Variants in LRP1B observed in about 807,000 individuals in gnomAD.
LRP1B encodes low-density lipoprotein receptor-related protein 1B.
Under a neutral mutation model 556.6 loss-of-function variants are expected in LRP1B, and 217 were observed. The ratio of observed to expected loss-of-function variants is 0.39; its 90% CI spans 0.35 to 0.44. LRP1B has a LOEUF of 0.44. LRP1B is among the 20% of genes least tolerant of loss of function. The pLI, the probability that LRP1B is intolerant of heterozygous loss-of-function variation, is 1.00. For missense variants in LRP1B, 5,053 were observed against 5,620.8 expected (o/e 0.90, Z 3.23); for synonymous variants, 2,047 against 1,865.8 (o/e 1.10, Z -2.50).
chr2:141,709,610 T>C (rs1016798854), intron 2 of LRP1B, among the ~76,000 whole-genome samples: 1 of 152,112 alleles, frequency 6.6e-6, no homozygotes, highest in Non-Finnish European at 1.5e-5. Flanking sequence ...TTAAGACGTA[T>C]GAGTAAGTTA....
chr2:141,035,977 C>G (rs1033832252), intron 11 of LRP1B, among the ~76,000 whole-genome samples: 1 of 152,112 alleles, frequency 6.6e-6, no homozygotes, highest in Non-Finnish European at 1.5e-5. Context: ...CCTATTTGCA[C>G]TCATGAACTA....
intron 7 of LRP1B, among the ~76,000 whole-genome samples, chr2:141,107,699 C>T (rs540365610): frequency 6.6e-6 from 1 of 151,936 alleles, no homozygotes; most frequent in Non-Finnish European, 1.5e-5. Context: ...TTAAAGAGCA[C>T]TAAAGCTGCA....
intron 63 of LRP1B, among the ~76,000 whole-genome samples, chr2:140,446,006 A>T (rs1686643870): frequency 6.6e-6 from 1 of 151,946 alleles, no homozygotes; most frequent in South Asian, 2.1e-4. Flanking sequence ...ATAAAAATTT[A>T]AACATTCTTT....
chr2:140,413,183 C>T (rs116922426), intron 66 of LRP1B, among the ~76,000 whole-genome samples: 1 of 152,228 alleles, frequency 6.6e-6, no homozygotes, highest in East Asian at 1.9e-4. Context: ...CACAAACACA[C>T]ATACACAATT....
At chr2:141,949,437 C>G (rs1398194626) in intron 1 of LRP1B, among the ~76,000 whole-genome samples, 1 of 152,206 alleles carries the variant, frequency 6.6e-6, no homozygotes, top group Non-Finnish European at 1.5e-5. Context: ...TGTCTCCAGG[C>G]TGGAGTGCAG....
intron 1 of LRP1B, among the ~76,000 whole-genome samples, chr2:142,033,454 A>G (rs1297432336): frequency 6.6e-6 from 1 of 151,676 alleles, no homozygotes; most frequent in African/African-American, 2.4e-5. Flanking sequence ...TTAGTAAAAT[A>G]CATCGTTTGC....
intron 7 of LRP1B, among the ~76,000 whole-genome samples, chr2:141,139,081 G>A (rs1701564224): frequency 6.6e-6 from 1 of 151,782 alleles, no homozygotes; most frequent in African/African-American, 2.4e-5. Flanking sequence ...AAGATATGAA[G>A]GCACTATAGT....
chr2:141,414,077 A>G (rs549786745), intron 3 of LRP1B, among the ~76,000 whole-genome samples: 2 of 152,042 alleles, frequency 1.3e-5, no homozygotes, highest in East Asian at 3.9e-4. Flanking sequence ...CTCTACTAAA[A>G]ATACAAAAAA....
intron 3 of LRP1B, among the ~76,000 whole-genome samples, chr2:141,351,330 T>C (rs1052036452): frequency 6.6e-6 from 1 of 152,078 alleles, no homozygotes; most frequent in African/African-American, 2.4e-5. Context: ...TGTATTATTG[T>C]ATGAAACTAC....
Position 141,364,308 on chromosome 2 carries a change from CAGTT to C in LRP1B, c.344-109671_344-109668del, listed in dbSNP as rs1468461434. ...ACACACACACACGCAAACACACACACAGTTGAATGATTAAATCACATACACAGTG... is the reference window on the plus strand; with the variant it reads ...ACACACACACACGCAAACACACACACGAATGATTAAATCACATACACAGTG... On this transcript the variant is annotated intron_variant, in intron 3 of 90. Coordinates refer to ENST00000389484, the MANE Select transcript of LRP1B (RefSeq NM_018557.3). 4.4e-3 allele frequency among the ~76,000 whole-genome samples: 664 copies of C among 151,142 alleles called. 7 individuals are homozygous for C. The highest frequency in any genetic ancestry group is 0.016 in the African/African-American group (643 of 41,060).
At chr2:141,656,682 G>A (rs1181953888) in intron 2 of LRP1B, among the ~76,000 whole-genome samples, 1 of 152,064 alleles carries the variant, frequency 6.6e-6, no homozygotes, top group Non-Finnish European at 1.5e-5. Context: ...TTTCAAAATT[G>A]TTCATATTGC....
intron 88 of LRP1B, 75 bp from the exon 89 acceptor site, chr2:140,238,371 A>G (rs1458035956): frequency 8.4e-6 from 6 of 714,038 alleles, no homozygotes; most frequent in African/African-American, 1.8e-5. Flanking sequence ...TTATATTTAT[A>G]GATTTACTGA....
chr2:141,022,351 T>C (rs1398704519), intron 11 of LRP1B, among the ~76,000 whole-genome samples: 2 of 151,902 alleles, frequency 1.3e-5, no homozygotes, highest in African/African-American at 2.4e-5. Context: ...AGAAAATGTA[T>C]AAAAAGATCT....
At chr2:140,730,929 C>T (rs538971866) in intron 35 of LRP1B, among the ~76,000 whole-genome samples, 2 of 152,234 alleles carry the variant, frequency 1.3e-5, no homozygotes, top group African/African-American at 4.8e-5. Context: ...AGACCATAAG[C>T]GCTTTTCTGG....
chr2:141,920,424 C>T (rs913035752), intron 1 of LRP1B, among the ~76,000 whole-genome samples: 2 of 151,958 alleles, frequency 1.3e-5, no homozygotes, highest in East Asian at 3.9e-4. Context: ...CCAAACTTTG[C>T]AGTGGCAATT....
At chr2:142,022,829 C>G (rs1329446894) in intron 1 of LRP1B, among the ~76,000 whole-genome samples, 1 of 152,102 alleles carries the variant, frequency 6.6e-6, no homozygotes, top group Non-Finnish European at 1.5e-5. Context: ...TGCCATCACG[C>G]CCGGCTAATT....
At chr2:141,817,517 T>C (rs1696601112) in intron 1 of LRP1B, among the ~76,000 whole-genome samples, 1 of 152,064 alleles carries the variant, frequency 6.6e-6, no homozygotes, top group Non-Finnish European at 1.5e-5. Flanking sequence ...TTTTGAAAGT[T>C]TGATATAGCC....
chr2:141,291,879 A>T lies in LRP1B; in HGVS notation c.344-37238T>A, dbSNP rs1172101290. ...TCAAAAAAAAAAAAAAAAAAAAAAA[A>T]AAAAAAAAAAACTTGTTTGGGGTTA... On this transcript the variant is annotated intron_variant, in intron 3 of 90. Transcript: ENST00000389484. Among the ~76,000 whole-genome samples, 240 of 115,752 alleles carry T rather than the reference A, an allele frequency of 2.1e-3. 3 individuals are homozygous for T. The highest frequency in any genetic ancestry group is 6.6e-3 in the African/African-American group (223 of 33,548). 75.9% of individuals were successfully genotyped at this position (115,752 alleles called of 152,430 possible).
chr2:142,030,138 A>T (rs370413362), intron 1 of LRP1B, among the ~76,000 whole-genome samples: 25 of 151,834 alleles, frequency 1.6e-4, no homozygotes, highest in Non-Finnish European at 3.2e-4. Context: ...CTACATGTGT[A>T]TATTTCTTAC....
Sources: gnomAD v4.1 joint callset for allele counts (sites outside exome capture counted in the v4.1 genomes callset) on GRCh38, gnomAD v4.1.1 for gene constraint, MANE v1.5 for transcripts, NCBI Gene and HGNC (gene_info 2026-07-23, HGNC 2026-07-21) for gene names.